MGAT5: variants seen among roughly 807,000 people sequenced by gnomAD.
MGAT5 encodes the protein alpha-1,6-mannosylglycoprotein 6-beta-N-acetylglucosaminyltransferase A.
In MGAT5, 30 loss-of-function variants were observed where a neutral mutation model predicts 94.3. The observed-to-expected ratio is 0.32, with a 90% CI of 0.24 to 0.43. The LOEUF (loss-of-function observed/expected upper bound fraction) is 0.43. Among genes scored for constraint, MGAT5 ranks in the 20% least tolerant of loss-of-function variants. MGAT5 has a pLI of 1.00. For synonymous variants in MGAT5, 310 were observed against 322.9 expected (o/e 0.96, Z 0.43); for missense variants, 691 against 905.5 (o/e 0.76, Z 3.04).
At chr2:134,263,800 A>T (rs1021269742) in intron 1 of MGAT5, among the ~76,000 whole-genome samples, 1 of 152,074 alleles carries the variant, frequency 6.6e-6, no homozygotes, top group Non-Finnish European at 1.5e-5. Flanking sequence ...AATAATGTGA[A>T]TTTTTATGTA....
chr2:134,226,316 G>T (rs927643337), intron 1 of MGAT5, among the ~76,000 whole-genome samples: 1 of 152,234 alleles, frequency 6.6e-6, no homozygotes, highest in African/African-American at 2.4e-5. Context: ...TTGCAGAAGA[G>T]AGATGCAATA....
At chr2:134,398,380 A>G (rs1000184008) in intron 10 of MGAT5, among the ~76,000 whole-genome samples, 2 of 152,196 alleles carry the variant, frequency 1.3e-5, no homozygotes, top group African/African-American at 4.8e-5. Flanking sequence ...AGGGAGGACT[A>G]CTGCTGCCTA....
At chr2:134,407,660 AC>A (rs1683419979) in intron 11 of MGAT5, among the ~76,000 whole-genome samples, 1 of 152,204 alleles carries the variant, frequency 6.6e-6, no homozygotes, top group Non-Finnish European at 1.5e-5. Flanking sequence ...GACAGTGATG[AC>A]TCAAGCAGTT....
intron 2 of MGAT5, among the ~76,000 whole-genome samples, chr2:134,311,007 G>A (rs1686619889): frequency 6.6e-6 from 1 of 152,222 alleles, no homozygotes; most frequent in South Asian, 2.1e-4. Flanking sequence ...CATATCAGGT[G>A]TGCCAAGAGA....
In MGAT5 at chr2:134,417,639, G is replaced by A. The variant is rs372854335; in HGVS notation, c.1677+4624G>A. Among the ~76,000 whole-genome samples, 12 of 152,140 alleles carry A rather than the reference G, an allele frequency of 7.9e-5. No individual in the cohort carries two copies. The East Asian group carries it at 2.3e-3, about 29-fold the overall frequency. On this transcript the variant is annotated intron_variant, in intron 12 of 15. Transcript: ENST00000281923. ...CTTTCTCAGCACATCACATTAGGGG[G>A]CATATGATGTCAATATGTTGTACTG...
chr2:134,224,161 T>G (rs1179803935), intron 1 of MGAT5, among the ~76,000 whole-genome samples: 1 of 152,218 alleles, frequency 6.6e-6, no homozygotes, highest in African/African-American at 2.4e-5. Context: ...GGTTGTGGGT[T>G]TGTCTTGACA....
chr2:134,412,095 C>T (rs960934422), intron 11 of MGAT5, among the ~76,000 whole-genome samples: 1 of 152,172 alleles, frequency 6.6e-6, no homozygotes, highest in African/African-American at 2.4e-5. Context: ...AGGAAATCAG[C>T]ACCACTGAAC....
intron 1 of MGAT5, among the ~76,000 whole-genome samples, chr2:134,157,587 G>GTGGGGGATGGTGGTTT (rs1687534393): frequency 6.6e-6 from 1 of 152,102 alleles, no homozygotes; most frequent in South Asian, 2.1e-4. Context: ...ACTGGTGGTT[G>GTGGGGGATGGTGGTTT]TGGGGGATGG....
At chr2:134,236,930 C>T (rs1330537550) in intron 1 of MGAT5, among the ~76,000 whole-genome samples, 1 of 152,174 alleles carries the variant, frequency 6.6e-6, no homozygotes, top group African/African-American at 2.4e-5. Context: ...TAGTTGGCCT[C>T]TTATCACCCT....
chr2:134,314,620 G>A (rs1044110534), intron 2 of MGAT5, among the ~76,000 whole-genome samples: 1 of 152,212 alleles, frequency 6.6e-6, no homozygotes, highest in Non-Finnish European at 1.5e-5. Flanking sequence ...GAAGCCCAGA[G>A]GAGGACAGGA....
chr2:134,169,924 G>C (rs998621502), intron 1 of MGAT5, among the ~76,000 whole-genome samples: 1 of 152,112 alleles, frequency 6.6e-6, no homozygotes, highest in African/African-American at 2.4e-5. Flanking sequence ...CATTGGTGAA[G>C]TAAAGGATAA....
intron 1 of MGAT5, among the ~76,000 whole-genome samples, chr2:134,176,462 C>T (rs2105144066): frequency 6.6e-6 from 1 of 150,690 alleles, no homozygotes; most frequent in South Asian, 2.1e-4. Context: ...ATTCTAGCTA[C>T]TCAGGGAGGC....
In MGAT5 at chr2:134,258,202, C is replaced by G. The variant is rs904074321; in HGVS notation, c.241+3558C>G. ...ATAGTTTTATTGGAACACCTCCACT[C>G]CCATTTGTTTGTAACAAATGCAATA... On this transcript the variant is annotated intron_variant, in intron 1 of 15. Coordinates refer to ENST00000281923, the MANE Select transcript of MGAT5 (RefSeq NM_002410.5). Among the ~76,000 whole-genome samples the G allele has an allele frequency of 5.3e-5, 8 of 152,168 alleles. No individual in the cohort carries two copies. In the East Asian group the frequency reaches 5.8e-4, roughly 11 times the overall value.
chr2:134,323,344 C>T (rs1253124030), intron 4 of MGAT5, among the ~76,000 whole-genome samples: 1 of 152,164 alleles, frequency 6.6e-6, no homozygotes, highest in African/African-American at 2.4e-5. Context: ...TGATGCTCCA[C>T]TGTACCAGAC....
chr2:134,175,276 T>C (rs1304276273), intron 1 of MGAT5, among the ~76,000 whole-genome samples: 1 of 152,244 alleles, frequency 6.6e-6, no homozygotes, highest in Non-Finnish European at 1.5e-5. Context: ...TAGGGCAGGC[T>C]CTTATGTACC....
rs1233841494 is a variant in MGAT5 at position 134,381,482 on chromosome 2, GAAAT to G, written c.1380+19076_1380+19079del. Among the ~76,000 whole-genome samples the G allele has an allele frequency of 8.5e-4, 118 of 139,106 alleles. 1 individual carries two copies. Among genetic ancestry groups the G allele is most frequent in the African/African-American group, 2.6e-3 (104 of 39,300 alleles). 91.3% of individuals were successfully genotyped at this position (139,106 alleles called of 152,430 possible). On this transcript the variant is annotated intron_variant, in intron 10 of 15. Transcript: ENST00000281923. ...TCTGGTAGGTAGGTAGGTAGGTAGA[GAAAT>G]AGACAGACCAGACAGACAGACAGAC...
chr2:134,287,489 C>T (rs1325926086), intron 2 of MGAT5, among the ~76,000 whole-genome samples: 1 of 152,088 alleles, frequency 6.6e-6, no homozygotes, highest in African/African-American at 2.4e-5. Context: ...GTGCTGGTTT[C>T]ATATTTGAGG....
intron 3 of MGAT5, among the ~76,000 whole-genome samples, chr2:134,318,155 T>G (rs1452251929): frequency 2.6e-5 from 4 of 152,248 alleles, no homozygotes; most frequent in South Asian, 2.1e-4. Context: ...GAGAACAGTG[T>G]CCATTCAGGG....
chr2:134,418,522 T>G (rs1432167723), intron 12 of MGAT5, among the ~76,000 whole-genome samples: 1 of 152,192 alleles, frequency 6.6e-6, no homozygotes, highest in Non-Finnish European at 1.5e-5. Context: ...GTGGTACTAG[T>G]TGCTGCACTG....
Sources: allele counts gnomAD v4.1 joint callset (sites outside exome capture counted in the v4.1 genomes callset), GRCh38; gene constraint gnomAD v4.1.1; transcripts MANE v1.5; gene names NCBI Gene and HGNC (gene_info 2026-07-23, HGNC 2026-07-21).